PLG: variants seen among roughly 807,000 people sequenced by gnomAD.
PLG encodes the protein plasmin.
Under a neutral mutation model 104.4 loss-of-function variants are expected in PLG, and 41 were observed. The ratio of observed to expected loss-of-function variants is 0.39; its 90% CI spans 0.31 to 0.51. The LOEUF is 0.51. Among genes scored for constraint, PLG ranks in the 20% least tolerant of loss-of-function variants. The pLI is 0.76. For missense variants in PLG, 891 were observed against 1,003.6 expected (o/e 0.89, Z 1.52); for synonymous variants, 337 against 357.1 (o/e 0.94, Z 0.63).
rs118180095 is a variant in PLG, at chr6:160,747,355, A to G, written c.2126-4760A>G. 4.7e-3 allele frequency among the ~76,000 whole-genome samples: 718 copies of G among 152,282 alleles called. 3 individuals are homozygous for G. The highest frequency in any genetic ancestry group is 7.8e-3 in the Non-Finnish European group (529 of 68,018). Reference sequence around the variant, plus strand: ...TCTCTTTGCAGTATGCCCTGACAATAATTATATCCATCAGCCTAGTCCCCT... The same window carrying G: ...TCTCTTTGCAGTATGCCCTGACAATGATTATATCCATCAGCCTAGTCCCCT... On this transcript the variant is annotated intron_variant, in intron 17 of 18. Transcript: ENST00000308192.
At chr6:160,727,044 G>A (rs934233873) in intron 10 of PLG, among the ~76,000 whole-genome samples, 10 of 151,844 alleles carry the variant, frequency 6.6e-5, no homozygotes, top group East Asian at 1.9e-4. Context: ...CTAAACTGAC[G>A]ACAAAGGAGG....
Position 160,731,927 on chromosome 6 carries a change from T to G in PLG, c.1587+34T>G, listed in dbSNP as rs1218458431. ...CTTTGATTTGGACTCTTTGGCCTTT[T>G]GCTCACCAATCTTTGCAAACAGAAT... On this transcript the variant is annotated intron_variant, in intron 12 of 18. Coordinates refer to ENST00000308192, the MANE Select transcript of PLG (RefSeq NM_000301.5). The surrounding 1 kb of genome is among the most constrained non-coding windows in gnomAD (Gnocchi z 5.1). The G allele has an allele frequency of 6.2e-7, 1 of 1,610,200 alleles. No individual in the cohort carries two copies. Among genetic ancestry groups the G allele is most frequent in the South Asian group, 1.1e-5 (1 of 91,002 alleles).
At position 160,752,937 on chromosome 6, in the gene PLG, A is replaced by G. The variant is rs1486025916; in HGVS notation, c.2309A>G (p.Asp770Gly). Residue 770 changes from aspartate (D) to glycine (G), a missense_variant, in exon 19 of 19, where the codon GAC becomes GGC. Transcript: ENST00000308192. This position sits in a 1 kb window ranked among gnomAD's most constrained non-coding sequence, Gnocchi z 4.7. ...SGGPLVCFEK[D>G]KYILQGVTSW... Reference sequence around the variant, plus strand: ...GGTCCTCTGGTTTGCTTCGAGAAGGACAAATACATTTTACAAGGAGTCACT... The same window carrying G: ...GGTCCTCTGGTTTGCTTCGAGAAGGGCAAATACATTTTACAAGGAGTCACT... The G allele has an allele frequency of 6.2e-7, 1 of 1,613,562 alleles. No homozygotes were observed. The highest frequency in any genetic ancestry group is 8.5e-7 in the Non-Finnish European group (1 of 1,179,666).
In PLG at chr6:160,726,353, G is replaced by T. The variant is rs1364131233; in HGVS notation, c.1256+3786G>T. Among the ~76,000 whole-genome samples the T allele has an allele frequency of 6.6e-6, 1 of 151,982 alleles. No homozygotes were observed. The highest frequency in any genetic ancestry group is 2.4e-5 in the African/African-American group (1 of 41,426). On this transcript the variant is annotated intron_variant, in intron 10 of 18. Transcript: ENST00000308192. The surrounding 1 kb of genome is among the most constrained non-coding windows in gnomAD (Gnocchi z 4.4). Reference sequence around the variant, plus strand: ...ATTTCCAAATACTTCATAAGTCAAAGAAGGAATTTAGAAAAGTTTTGAACT... The same window carrying T: ...ATTTCCAAATACTTCATAAGTCAAATAAGGAATTTAGAAAAGTTTTGAACT...
At chr6:160,746,369 A>G (rs181293501) in intron 17 of PLG, among the ~76,000 whole-genome samples, 10 of 152,246 alleles carry the variant, frequency 6.6e-5, no homozygotes, top group Middle Eastern at 3.4e-3. Flanking sequence ...TTATTTCAGA[A>G]AGCCAGTCTT....
Position 160,739,280 on chromosome 6 carries a change from A to C in PLG, c.2018+72A>C. 6.3e-7 allele frequency: 1 copy of C among 1,595,394 alleles called. No individual in the cohort carries two copies. The highest frequency in any genetic ancestry group is 1.1e-5 in the South Asian group (1 of 90,626). On this transcript the variant is annotated intron_variant, in intron 16 of 18. Transcript: ENST00000308192. This position sits in a 1 kb window ranked among gnomAD's most constrained non-coding sequence, Gnocchi z 4.4. The stretch of plus-strand genomic sequence containing the variant: ...GCTTTATGTCTGGGTTTTATGGGCC[A>C]TGGCCACTGCATGGCAGTGGGGAGG...
intron 17 of PLG, among the ~76,000 whole-genome samples, chr6:160,746,192 GT>G (rs1382501130): frequency 6.6e-5 from 10 of 152,296 alleles, no homozygotes; most frequent in African/African-American, 2.4e-4. Context: ...GGTTGAAGAA[GT>G]TTTCATGGAC....
rs1210819338 is a variant in PLG at position 160,739,095 on chromosome 6, C to A, written c.1905C>A (p.Val635=). ...CCCCAAGGCCTTCATCCTACAAGGTCATCCTGGGTGCACACCAAGAAGTGA... is the reference window on the plus strand; with the variant it reads ...CCCCAAGGCCTTCATCCTACAAGGTAATCCTGGGTGCACACCAAGAAGTGA... The part of the protein sequence containing the change: ...EKSPRPSSYK[V]ILGAHQEVNL... Residue 635 remains valine, a synonymous_variant, in exon 16 of 19, where the codon GTC becomes GTA. Coordinates refer to ENST00000308192, the MANE Select transcript of PLG (RefSeq NM_000301.5). This position sits in a 1 kb window ranked among gnomAD's most constrained non-coding sequence, Gnocchi z 4.4. 6.2e-7 allele frequency: 1 copy of A among 1,613,980 alleles called. No individual in the cohort carries two copies. Among genetic ancestry groups the A allele is most frequent in the Non-Finnish European group, 8.5e-7 (1 of 1,179,986 alleles).
Position 160,741,287 on chromosome 6 carries a change from T to C in PLG, c.2019-24T>C, listed in dbSNP as rs1482435696. 2.0e-6 allele frequency: 3 copies of C among 1,466,012 alleles called. No homozygotes were observed. The highest frequency in any genetic ancestry group is 1.1e-5 in the South Asian group (1 of 88,170). The allele number at this position is 1,466,012 out of a possible 1,614,324, so 90.8% of individuals were successfully genotyped here. A position where few individuals can be genotyped will look rare whatever the true frequency, so the allele number is the denominator to read the frequency against. On this transcript the variant is annotated intron_variant, in intron 16 of 18. Coordinates refer to ENST00000308192, the MANE Select transcript of PLG (RefSeq NM_000301.5). The surrounding 1 kb of genome is among the most constrained non-coding windows in gnomAD (Gnocchi z 4.7). Reference sequence around the variant, plus strand: ...CAGCTGCGAGCAGAGCAGTCAAACATAACTGCTGATGCTTTTCTTTCAGTC... The same window carrying C: ...CAGCTGCGAGCAGAGCAGTCAAACACAACTGCTGATGCTTTTCTTTCAGTC...
At chr6:160,715,104 G>A (rs1289901460) in intron 6 of PLG, among the ~76,000 whole-genome samples, 190 bp downstream of exon 6, 3 of 152,140 alleles carry the variant, frequency 2.0e-5, no homozygotes, top group African/African-American at 4.8e-5. Context: ...TATGGTCCAC[G>A]GGTCAGCAGC....
intron 17 of PLG, among the ~76,000 whole-genome samples, chr6:160,743,645 CTTTA>C (rs1028616862): frequency 6.6e-6 from 1 of 152,146 alleles, no homozygotes; most frequent in East Asian, 1.9e-4. Context: ...TCTGGATGCC[CTTTA>C]TTTCTTTCTC....
chr6:160,716,954 G>C (rs1162495043), intron 7 of PLG, among the ~76,000 whole-genome samples, 191 bp downstream of exon 7: 1 of 152,228 alleles, frequency 6.6e-6, no homozygotes, highest in East Asian at 1.9e-4. Context: ...TGATTGATCA[G>C]AGCGTCCATT....
At chr6:160,709,788 G>C (rs1777603362) in intron 3 of PLG, among the ~76,000 whole-genome samples, 1 of 152,214 alleles carries the variant, frequency 6.6e-6, no homozygotes, top group East Asian at 1.9e-4. Flanking sequence ...ATAATACGCA[G>C]TATTGGGTTA....
At chr6:160,713,997 C>T (rs1777690461) in intron 5 of PLG, among the ~76,000 whole-genome samples, 1 of 152,206 alleles carries the variant, frequency 6.6e-6, no homozygotes, top group Non-Finnish European at 1.5e-5. Context: ...TGTGACAACT[C>T]AGTTCTCCCA....
chr6:160,716,720 C>T lies in PLG; in HGVS notation c.744C>T (p.Thr248=), dbSNP rs745353237. The T allele has an allele frequency of 2.4e-5, 39 of 1,612,884 alleles. No homozygotes were observed. The highest frequency in any genetic ancestry group is 2.0e-4 in the African/African-American group (15 of 74,886). The change falls in exon 7 of 19, where the codon ACC becomes ACT. Residue 248 remains threonine, a synonymous_variant. Coordinates refer to ENST00000308192, the MANE Select transcript of PLG (RefSeq NM_000301.5). ...AGCTGCGGCCTTGGTGTTTCACCACCGACCCCAACAAGCGCTGGGAACTTT... is the reference window on the plus strand; with the variant it reads ...AGCTGCGGCCTTGGTGTTTCACCACTGACCCCAACAAGCGCTGGGAACTTT... ...DRELRPWCFT[T]DPNKRWELCD... is the part of the protein sequence containing the mutation.
rs549501014 is a variant in PLG at position 160,725,625 on chromosome 6, A to G, written c.1256+3058A>G. 6.2e-4 allele frequency among the ~76,000 whole-genome samples: 95 copies of G among 152,296 alleles called. No individual in the cohort carries two copies. The highest frequency in any genetic ancestry group is 2.2e-3 in the African/African-American group (91 of 41,584). ...AAATATATTTAATATACTCCTAAGC[A>G]TATTAAATATAAAGGGATTAAACAT... On this transcript the variant is annotated intron_variant, in intron 10 of 18. Coordinates refer to ENST00000308192, the MANE Select transcript of PLG (RefSeq NM_000301.5). The surrounding 1 kb of genome is among the most constrained non-coding windows in gnomAD (Gnocchi z 6.3).
chr6:160,713,970 G>A (rs564340585), intron 5 of PLG, among the ~76,000 whole-genome samples: 25 of 152,212 alleles, frequency 1.6e-4, no homozygotes, highest in Non-Finnish European at 2.6e-4. Context: ...TTGTGTGACA[G>A]TGTGGATATG....
intron 12 of PLG, among the ~76,000 whole-genome samples, chr6:160,733,758 C>A (rs951435201): frequency 6.9e-6 from 1 of 145,258 alleles, no homozygotes; most frequent in Non-Finnish European, 1.5e-5. Context: ...GCAGGAGAAT[C>A]GCTTGAACCC....
chr6:160,716,477 C>G (rs2115161693), intron 6 of PLG, among the ~76,000 whole-genome samples, 168 bp from the exon 7 acceptor site: 1 of 152,268 alleles, frequency 6.6e-6, no homozygotes, highest in Middle Eastern at 3.4e-3. Context: ...AATACAGGGC[C>G]AACCTTGTTT....
Sources: allele counts gnomAD v4.1 joint callset (sites outside exome capture counted in the v4.1 genomes callset), GRCh38; gene constraint gnomAD v4.1.1; non-coding constraint Gnocchi (gnomAD v3.1); transcripts MANE v1.5; gene names NCBI Gene and HGNC (gene_info 2026-07-23, HGNC 2026-07-21).